GCNA: variants seen among roughly 807,000 people sequenced by gnomAD.
GCNA encodes germ cell nuclear acidic protein.
In GCNA, 3 loss-of-function variants were observed where a neutral mutation model predicts 38.8. The observed-to-expected ratio is 0.08, with a 90% CI of 0.04 to 0.20. GCNA has a LOEUF of 0.20. Ranked by LOEUF, GCNA falls within the 10% of genes least tolerant of loss-of-function variation. GCNA has a pLI of 1.00. For missense variants in GCNA, 446 were observed against 578.6 expected (o/e 0.77, Z 2.35); for synonymous variants, 195 against 240.2 (o/e 0.81, Z 1.74).
chrX:71,581,374 G>A (rs940640469), intron 2 of GCNA, among the ~76,000 whole-genome samples: 3 of 111,844 alleles, frequency 2.7e-5, no homozygotes, highest in African/African-American at 9.8e-5. Flanking sequence ...TGTCGCCCGG[G>A]TTGGAGTGCA....
rs2040828751 is a variant in GCNA, at chrX:71,613,524, T to C, written c.*542T>C. 2 of 113,786 alleles carry C rather than the reference T, an allele frequency of 1.8e-5. No individual in the cohort carries two copies. Among genetic ancestry groups the C allele is most frequent in the South Asian group, 7.2e-4 (2 of 2,769 alleles). 9.4% of individuals were successfully genotyped at this position (113,786 alleles called of 1,213,427 possible). On this transcript the variant is annotated 3_prime_UTR_variant, in exon 13 of 13. Transcript: ENST00000373696. Reference sequence around the variant, plus strand: ...CGTGTTTCATAAAATTCGTTGTTGATGGTATTGATTGAAACTATCTGAGCC... The same window carrying C: ...CGTGTTTCATAAAATTCGTTGTTGACGGTATTGATTGAAACTATCTGAGCC...
At chrX:71,583,524 G>A (rs1402457503) in intron 2 of GCNA, among the ~76,000 whole-genome samples, 2 of 110,007 alleles carry the variant, frequency 1.8e-5, no homozygotes, top group African/African-American at 3.3e-5. Context: ...GAAAATATAC[G>A]TCTTAATAAG....
rs78056830 is a variant in GCNA, at chrX:71,604,562, A to T, written c.1285A>T (p.Thr429Ser). 13 of 1,192,020 alleles carry T rather than the reference A, an allele frequency of 1.1e-5. No individual in the cohort carries two copies. In the Admixed American group the frequency reaches 1.9e-4, roughly 17 times the overall value. ...TIVEPPRKRQ[T>S]KTKNIVEPPR... ...TGTGGAGCCACCGAGGAAAAGGCAG[A>T]CAAAGACCAAAAATATAGTGGAGCC... The change falls in exon 8 of 13, where the codon ACA becomes TCA. Residue 429 changes from threonine to serine, a missense_variant. By Grantham distance (58) the Thr-to-Ser change is moderately conservative (BLOSUM62 1). This residue lies in a region of GCNA where 160 missense variants were observed against 165.2 expected (regional missense o/e 0.97). Coordinates refer to ENST00000373696, the MANE Select transcript of GCNA (RefSeq NM_052957.5).
At position 71,604,619 on chromosome X, in the gene GCNA, A is replaced by G. The variant is rs367693044; in HGVS notation, c.1342A>G (p.Ile448Val). 2.0e-4 allele frequency: 236 copies of G among 1,203,145 alleles called. No individual in the cohort carries two copies. The highest frequency in any genetic ancestry group is 2.3e-4 in the Non-Finnish European group (205 of 891,595). ...PRKRQTKTKN[I>V]VEPLRKRKAK... ...GAAAAGGCAGACAAAGACCAAAAATATAGTGGAGCCACTGAGGAAGAGGAA... is the reference window on the plus strand; with the variant it reads ...GAAAAGGCAGACAAAGACCAAAAATGTAGTGGAGCCACTGAGGAAGAGGAA... Residue 448 changes from isoleucine (I) to valine (V), a missense_variant, in exon 8 of 13, where the codon ATA becomes GTA. Around this residue, in one of 7 missense-constraint regions of GCNA, gnomAD observed 160 missense variants for 165.2 expected, o/e 0.97. Transcript: ENST00000373696.
rs772284740 is a variant in GCNA at position 71,604,590 on chromosome X, C to A, written c.1313C>A (p.Pro438Gln). The change falls in exon 8 of 13, where the codon CCA becomes CAA. Residue 438 changes from proline (P) to glutamine (Q), a missense_variant. Around this residue, in one of 7 missense-constraint regions of GCNA, gnomAD observed 160 missense variants for 165.2 expected, o/e 0.97. Coordinates refer to ENST00000373696, the MANE Select transcript of GCNA (RefSeq NM_052957.5). ...AAGACCAAAAATATAGTGGAGCCAC[C>A]AAGGAAAAGGCAGACAAAGACCAAA... Reference protein sequence around the residue: ...QTKTKNIVEPPRKRQTKTKNI... With the variant: ...QTKTKNIVEPQRKRQTKTKNI... 1 of 1,197,987 alleles carries A rather than the reference C, an allele frequency of 8.3e-7. No individual in the cohort carries two copies.
intron 11 of GCNA, among the ~76,000 whole-genome samples, chrX:71,611,904 G>T (rs1356659783): frequency 9.0e-6 from 1 of 111,194 alleles, no homozygotes; most frequent in East Asian, 2.8e-4. Flanking sequence ...ACTCGTGCTT[G>T]CCTGCATGTG....
chrX:71,599,140 G>A (rs2040694731), intron 7 of GCNA, among the ~76,000 whole-genome samples: 1 of 110,410 alleles, frequency 9.1e-6, no homozygotes, highest in Admixed American at 9.7e-5. Context: ...ACAGGTGTGA[G>A]CCACTGGGCC....
chrX:71,600,383 T>G (rs1164818232), intron 7 of GCNA, among the ~76,000 whole-genome samples: 1 of 112,266 alleles, frequency 8.9e-6, no homozygotes, highest in Non-Finnish European at 1.9e-5. Context: ...CACCAAAAGT[T>G]TAACCAAGAC....
chrX:71,597,257 C>A (rs1252280818), intron 6 of GCNA, among the ~76,000 whole-genome samples: 6 of 112,097 alleles, frequency 5.4e-5, no homozygotes, highest in Admixed American at 3.8e-4. Flanking sequence ...CAGGTGCAGA[C>A]ATGTCCTGTA....
intron 7 of GCNA, among the ~76,000 whole-genome samples, chrX:71,601,245 G>A (rs1259047998): frequency 9.1e-6 from 1 of 110,425 alleles, no homozygotes; most frequent in Non-Finnish European, 1.9e-5. Context: ...TTGGGAGGCT[G>A]AGACAGAATT....
intron 8 of GCNA, 99 bp downstream of exon 8, chrX:71,604,775 G>T: frequency 9.1e-7 from 1 of 1,100,314 alleles, no homozygotes; most frequent in Non-Finnish European, 1.2e-6. Flanking sequence ...TTTCAACCCT[G>T]TGCCATTTCA....
rs1428660921 is a variant in GCNA, at chrX:71,612,975, A to G, written c.2069A>G (p.His690Arg). The G allele has an allele frequency of 8.3e-7, 1 of 1,211,510 alleles. No homozygotes were observed. Among genetic ancestry groups the G allele is most frequent in the Non-Finnish European group, 1.1e-6 (1 of 895,461 alleles). The change falls in exon 13 of 13, where the codon CAC becomes CGC. Residue 690 changes from histidine (H) to arginine (R), a missense_variant. Transcript: ENST00000373696. ...AAAGATGGGACCCGTATTGTGCCCC[A>G]CGTGTGACCATTTGCTGTGTATGTG... ...TQKDGTRIVP[H>R]V
At position 71,599,025 on chromosome X, in the gene GCNA, T is replaced by G. The variant is rs372747913; in HGVS notation, c.310+987T>G. On this transcript the variant is annotated intron_variant, in intron 7 of 12. Transcript: ENST00000373696. ...CCAGCTAATTTTTTTTGTTGTTGTTTTTTTTTTTTTTAGTAGAGATGGGAT... is the reference window on the plus strand; with the variant it reads ...CCAGCTAATTTTTTTTGTTGTTGTTGTTTTTTTTTTTAGTAGAGATGGGAT... Among the ~76,000 whole-genome samples the G allele has an allele frequency of 1.7e-3, 183 of 108,494 alleles. 1 individual carries two copies. Among genetic ancestry groups the G allele is most frequent in the African/African-American group, 5.5e-3 (164 of 29,926 alleles). 94.2% of individuals were successfully genotyped at this position (108,494 alleles called of 115,157 possible). A position where few individuals can be genotyped will look rare whatever the true frequency, so the allele number is the denominator to read the frequency against.
chrX:71,610,499 G>C (rs1275513139), intron 10 of GCNA, among the ~76,000 whole-genome samples, 182 bp from the exon 11 acceptor site: 2 of 112,275 alleles, frequency 1.8e-5, no homozygotes, highest in Non-Finnish European at 3.8e-5. Flanking sequence ...TGTAATCCCA[G>C]CTACTTGGGA....
intron 2 of GCNA, among the ~76,000 whole-genome samples, chrX:71,584,699 G>T (rs756807330): frequency 1.8e-5 from 2 of 110,073 alleles, no homozygotes; most frequent in South Asian, 7.9e-4. Flanking sequence ...TCCATCTCTA[G>T]TAAAAATACA....
intron 2 of GCNA, among the ~76,000 whole-genome samples, chrX:71,591,259 G>C (rs1160794451): frequency 9.0e-6 from 1 of 111,237 alleles, no homozygotes; most frequent in Non-Finnish European, 1.9e-5. Context: ...AGGAACCTTG[G>C]CTTCACCTCA....
chrX:71,589,837 G>T (rs777079585), intron 2 of GCNA, among the ~76,000 whole-genome samples: 4 of 109,547 alleles, frequency 3.7e-5, no homozygotes, highest in Middle Eastern at 4.7e-3. Context: ...TTAAGACAGG[G>T]TCTCACTCCT....
chrX:71,589,291 G>A (rs1213641911), intron 2 of GCNA, among the ~76,000 whole-genome samples: 2 of 105,979 alleles, frequency 1.9e-5, no homozygotes, highest in African/African-American at 3.4e-5. Flanking sequence ...TTAACGAGGT[G>A]TGGTGGGGGG....
chrX:71,600,538 C>T (rs1372300577), intron 7 of GCNA, among the ~76,000 whole-genome samples: 4 of 111,513 alleles, frequency 3.6e-5, no homozygotes, highest in Non-Finnish European at 7.5e-5. Flanking sequence ...TTTGGGAAGC[C>T]CGAAGCAACT....
Sources: gnomAD v4.1 joint callset for allele counts (sites outside exome capture counted in the v4.1 genomes callset) on GRCh38, gnomAD v4.1.1 for gene constraint, gnomAD v4.1.1 regional missense constraint, MANE v1.5 for transcripts, NCBI Gene and HGNC (gene_info 2026-07-23, HGNC 2026-07-21) for gene names.